The following SRL variants were observed in gnomAD, a reference collection of about 807,000 sequenced individuals.
SRL encodes the protein sarcalumenin.
A neutral mutation model predicts 39.5 loss-of-function variants in SRL; 23 were observed. The observed-to-expected ratio is 0.58, with a 90% CI of 0.42 to 0.82. The LOEUF is 0.82. Among genes scored for constraint, SRL ranks in the 40% least tolerant of loss-of-function variants. SRL has a pLI of 0.00. For synonymous variants in SRL, 272 were observed against 237.4 expected, an observed-to-expected ratio of 1.15 and a Z score of -1.34; for missense variants, 592 against 607.8, an observed-to-expected ratio of 0.97 and a Z score of 0.27.
chr16:4,228,332 G>A (rs916957157), intron 1 of SRL, among the ~76,000 whole-genome samples: 4 of 152,252 alleles, frequency 2.6e-5, no homozygotes, highest in Admixed American at 2.6e-4. Flanking sequence ...AGCTACTCGG[G>A]AGGCTGAGGC....
intron 1 of SRL, chr16:4,206,580 C>T: frequency 2.4e-6 from 1 of 413,808 alleles, no homozygotes; most frequent in South Asian, 1.8e-5. Context: ...AATGCACAGC[C>T]TGAAGCCACC....
Position 4,190,871 on chromosome 16 carries a change from C to G in SRL, c.*1282G>C, listed in dbSNP as rs571139608. 1 of 164,354 alleles carries G rather than the reference C, an allele frequency of 6.1e-6. No homozygotes were observed. 10.2% of individuals were successfully genotyped at this position (164,354 alleles called of 1,614,324 possible). A position where few individuals can be genotyped will look rare whatever the true frequency, so the allele number is the denominator to read the frequency against. On this transcript the variant is annotated 3_prime_UTR_variant, in exon 6 of 6. Transcript: ENST00000399609. ...GAAAGGAAAAGCCATGGTGTGGAAA[C>G]TGCAAAGGAGCAACTCCGCTGCCAA... is the stretch of plus-strand genomic sequence containing the variant.
intron 3 of SRL, among the ~76,000 whole-genome samples, chr16:4,200,418 C>T (rs1029965850): frequency 1.3e-5 from 2 of 152,162 alleles, no homozygotes; most frequent in Admixed American, 6.5e-5. Context: ...CAGGGGGCAC[C>T]GCTGGCCTAT....
At chr16:4,238,590 CA>C (rs1186461220) in intron 1 of SRL, among the ~76,000 whole-genome samples, 1 of 151,780 alleles carries the variant, frequency 6.6e-6, no homozygotes, top group Non-Finnish European at 1.5e-5. Flanking sequence ...AGTTCCTAAA[CA>C]GCAGTTCCAC....
intron 1 of SRL, among the ~76,000 whole-genome samples, chr16:4,221,027 C>T (rs1048262788): frequency 9.2e-5 from 14 of 151,582 alleles, no homozygotes; most frequent in Non-Finnish European, 1.5e-4. Context: ...AGGCCCTCAT[C>T]GCCTGGGACC....
intron 1 of SRL, among the ~76,000 whole-genome samples, chr16:4,240,819 T>C (rs2052765031): frequency 6.6e-6 from 1 of 152,096 alleles, no homozygotes; most frequent in South Asian, 2.1e-4. Context: ...TACGCGGCTG[T>C]TTCCATACTT....
chr16:4,221,921 C>G (rs896879743), intron 1 of SRL, among the ~76,000 whole-genome samples: 1 of 152,180 alleles, frequency 6.6e-6, no homozygotes, highest in Admixed American at 6.5e-5. Flanking sequence ...TTTCTCTTCC[C>G]ATAAGGACAC....
intron 1 of SRL, chr16:4,207,058 C>CACCTTCCTGGG (rs1567179205): frequency 4.4e-6 from 2 of 452,768 alleles, no homozygotes; most frequent in Non-Finnish European, 8.9e-6. Context: ...TGCAGATCCC[C>CACCTTCCTGGG]GCCTTCCTGG....
intron 4 of SRL, among the ~76,000 whole-genome samples, 158 bp downstream of exon 4, chr16:4,197,641 G>C (rs554167991): frequency 3.9e-4 from 59 of 151,888 alleles, no homozygotes; most frequent in African/African-American, 1.4e-3. Context: ...TGGCCAGGCT[G>C]GTCTCAAACT....
chr16:4,231,204 T>A (rs1400250965), intron 1 of SRL, among the ~76,000 whole-genome samples: 1 of 152,082 alleles, frequency 6.6e-6, no homozygotes, highest in Non-Finnish European at 1.5e-5. Flanking sequence ...TAGTCTCAGC[T>A]ACTTGGGAGG....
At chr16:4,240,864 C>T (rs1362360158) in intron 1 of SRL, among the ~76,000 whole-genome samples, 1 of 152,156 alleles carries the variant, frequency 6.6e-6, no homozygotes, top group Non-Finnish European at 1.5e-5. Flanking sequence ...ACTCAGCACT[C>T]AAGCCGCTGC....
Position 4,192,884 on chromosome 16 carries a change from C to T in SRL, c.691G>A (p.Asp231Asn), listed in dbSNP as rs1363026214. ...IFVVFDPTKL[D>N]VGLELEMLFR... ...AGCATCTCCAGCTCTAGACCCACAT[C>T]CAGCTTTGTTGGGTCAAAGACGACA... The change falls in exon 6 of 6, where the codon GAT becomes AAT. Residue 231 changes from aspartate (D) to asparagine (N), a missense_variant. Physicochemically the swap from Asp to Asn is conservative, Grantham distance 23. Transcript: ENST00000399609. The surrounding 1 kb of genome is among the most constrained non-coding windows in gnomAD (Gnocchi z 4.0). 6.2e-7 allele frequency: 1 copy of T among 1,614,196 alleles called. No individual in the cohort carries two copies. Among genetic ancestry groups the T allele is most frequent in the Non-Finnish European group, 8.5e-7 (1 of 1,180,038 alleles).
At chr16:4,235,219 A>T (rs1454939379) in intron 1 of SRL, among the ~76,000 whole-genome samples, 1 of 152,232 alleles carries the variant, frequency 6.6e-6, no homozygotes, top group Non-Finnish European at 1.5e-5. Flanking sequence ...CTGAGAAGAC[A>T]GGACTCCCAG....
chr16:4,232,441 A>C (rs1246816873), intron 1 of SRL, among the ~76,000 whole-genome samples: 1 of 152,194 alleles, frequency 6.6e-6, no homozygotes, highest in Non-Finnish European at 1.5e-5. Flanking sequence ...ATGCTGTGTA[A>C]GTTGGAGGCC....
chr16:4,192,764 C>T lies in SRL; in HGVS notation c.811G>A (p.Ala271Thr). The T allele has an allele frequency of 1.9e-6, 3 of 1,614,130 alleles. No homozygotes were observed. The highest frequency in any genetic ancestry group is 2.5e-6 in the Non-Finnish European group (3 of 1,180,036). ...AGAGGGGCCAAGCTCCAGAAGAGGG[C>T]CCCGTAAACCCGCATGAGCATTTGG... ...ATQMLMRVYG[A>T]LFWSLAPLIN... Residue 271 changes from alanine to threonine, a missense_variant, in exon 6 of 6, where the codon GCC (alanine) becomes ACC (threonine). Ala to Thr is a moderately conservative substitution (Grantham distance 58). Transcript: ENST00000399609. The surrounding 1 kb of genome is among the most constrained non-coding windows in gnomAD (Gnocchi z 4.0).
chr16:4,230,638 T>G (rs962669222), intron 1 of SRL, among the ~76,000 whole-genome samples: 7 of 151,890 alleles, frequency 4.6e-5, no homozygotes, highest in African/African-American at 1.5e-4. Flanking sequence ...CCGCACCCCC[T>G]TGGCCTCCCA....
Position 4,241,423 on chromosome 16 carries a change from C to T in SRL, c.61+584G>A, listed in dbSNP as rs80076814. Among the ~76,000 whole-genome samples, 1,123 of 152,342 alleles carry T rather than the reference C, an allele frequency of 7.4e-3. 22 individuals carry two copies. The highest frequency in any genetic ancestry group is 0.026 in the African/African-American group (1,089 of 41,578). ...AGCAGAGGCTCTACTCCAGAACGGG[C>T]CCCGTTCCTCTTCTGAATTGCATCC... is the stretch of plus-strand genomic sequence containing the variant. On this transcript the variant is annotated intron_variant, in intron 1 of 5. Coordinates refer to ENST00000399609, the MANE Select transcript of SRL (RefSeq NM_001098814.2).
intron 1 of SRL, among the ~76,000 whole-genome samples, chr16:4,219,514 C>T (rs900602226): frequency 3.3e-5 from 5 of 152,178 alleles, no homozygotes; most frequent in African/African-American, 4.8e-5. Context: ...AGTGCAGTAG[C>T]GCGATATCGG....
At chr16:4,219,038 T>C (rs993365987) in intron 1 of SRL, among the ~76,000 whole-genome samples, 2 of 152,242 alleles carry the variant, frequency 1.3e-5, no homozygotes, top group Non-Finnish European at 2.9e-5. Context: ...CCAGGTCTCA[T>C]CTTATTTATC....
Sources: allele counts gnomAD v4.1 joint callset (sites outside exome capture counted in the v4.1 genomes callset), GRCh38; gene constraint gnomAD v4.1.1; non-coding constraint Gnocchi (gnomAD v3.1); transcripts MANE v1.5; gene names NCBI Gene and HGNC (gene_info 2026-07-23, HGNC 2026-07-21).